NDUFAF6: variants seen among roughly 807,000 people sequenced by gnomAD.
NDUFAF6 encodes NADH dehydrogenase (ubiquinone) complex I, assembly factor 6.
NDUFAF6 carries 45 observed loss-of-function variants against 40.8 expected under a neutral mutation model. The observed-to-expected ratio is 1.10, with a 90% CI of 0.87 to 1.42. NDUFAF6 has a LOEUF of 1.42. Ranked by LOEUF, NDUFAF6 falls within the 40% of genes most tolerant of loss-of-function variation. NDUFAF6 has a pLI of 0.00. For synonymous variants in NDUFAF6, 185 were observed against 155.9 expected (o/e 1.19, Z -1.39); for missense variants, 435 against 418.5 (o/e 1.04, Z -0.34).
chr8:95,090,872 G>A (rs548946933), intron 2 of NDUFAF6, among the ~76,000 whole-genome samples: 9 of 152,034 alleles, frequency 5.9e-5, no homozygotes, highest in East Asian at 3.9e-4. Context: ...TTTTTCTCCC[G>A]TGCTGAATGC....
Position 95,057,897 on chromosome 8 carries a change from C to A in NDUFAF6, c.962C>A (p.Pro321Gln). The change falls in exon 9 of 9, where the codon CCA becomes CAA. Residue 321 changes from proline (P) to glutamine (Q), a missense_variant. Physicochemically the swap from Pro to Gln is moderately conservative, Grantham distance 76 (BLOSUM62 -1). Transcript: ENST00000396124. ...TTACAGCAGAAGAATACATTACTTCCATTATATTTGTATATTCAGTCATGG... is the reference window on the plus strand; with the variant it reads ...TTACAGCAGAAGAATACATTACTTCAATTATATTTGTATATTCAGTCATGG... ...PSLQQKNTLL[P>Q]LYLYIQSWRK... The A allele has an allele frequency of 6.4e-7, 1 of 1,567,068 alleles. No homozygotes were observed. Among genetic ancestry groups the A allele is most frequent in the Non-Finnish European group, 8.8e-7 (1 of 1,137,684 alleles).
chr8:94,904,182 C>CGCCCAGGCTGGAGTGCAGTG lies in NDUFAF6; in HGVS notation c.-936+8258_-936+8277dup, dbSNP rs1161620455. ...TTTTTGAGATGGAGACTCACTTTGT[C>CGCCCAGGCTGGAGTGCAGTG]GCCCAGGCTGGAGTGCAGTGGCGCG... On this transcript the variant is annotated intron_variant, in intron 1 of 14. Coordinates refer to the NDUFAF6 transcript ENST00000396113. Among the ~76,000 whole-genome samples, 11 of 151,130 alleles carry CGCCCAGGCTGGAGTGCAGTG rather than the reference C, an allele frequency of 7.3e-5. No homozygotes were observed. The East Asian group carries it at 2.1e-3, about 29-fold the overall frequency.
chr8:95,109,203 A>C (rs1809925002), intron 4 of NDUFAF6, among the ~76,000 whole-genome samples: 1 of 152,202 alleles, frequency 6.6e-6, no homozygotes, highest in Non-Finnish European at 1.5e-5. Context: ...TCCTTCCAAA[A>C]ACTTTAATAT....
intron 2 of NDUFAF6, among the ~76,000 whole-genome samples, chr8:95,092,443 A>G (rs1412053242): frequency 1.3e-5 from 2 of 151,946 alleles, no homozygotes; most frequent in Non-Finnish European, 2.9e-5. Context: ...CAGCCTCCCA[A>G]AGTGCTGGAA....
rs549970420 is a variant in NDUFAF6, at chr8:95,029,206, A to G, written c.198-2789A>G. Among the ~76,000 whole-genome samples the G allele has an allele frequency of 2.6e-5, 4 of 152,360 alleles. No homozygotes were observed. The South Asian group carries it at 8.3e-4, about 32-fold the overall frequency. On this transcript the variant is annotated intron_variant, in intron 1 of 8. Transcript: ENST00000396124. ...AAATATTGTTTTATAAGAAGGTTCC[A>G]ATGTATTAAAGTAGGTAAGTACCTT...
In NDUFAF6 at chr8:94,896,903, C is replaced by A. The variant is rs1223727585; in HGVS notation, c.-936+976C>A. ...CTAATTTACCTGTAGGAGCTTTGCCCAAGGTGACAGCATCAGGAGAAGCCC... is the reference window on the plus strand; with the variant it reads ...CTAATTTACCTGTAGGAGCTTTGCCAAAGGTGACAGCATCAGGAGAAGCCC... On this transcript the variant is annotated intron_variant, in intron 1 of 14. Coordinates refer to the NDUFAF6 transcript ENST00000396113. Among the ~76,000 whole-genome samples, 3 of 152,194 alleles carry A rather than the reference C, an allele frequency of 2.0e-5. No individual in the cohort carries two copies. The South Asian group carries it at 6.2e-4, about 31-fold the overall frequency.
At chr8:95,108,120 A>C (rs972017198), downstream of NDUFAF6, among the ~76,000 whole-genome samples, 1 of 152,186 alleles carries the variant, frequency 6.6e-6, no homozygotes, top group Non-Finnish European at 1.5e-5. Context: ...TGCTGGTGGG[A>C]TGTAAAATGG....
rs144910773 is a variant in NDUFAF6 at position 94,958,431 on chromosome 8, C to T, written c.-199+252C>T. On this transcript the variant is annotated intron_variant, in intron 1 of 9. Coordinates refer to the NDUFAF6 transcript ENST00000396111. ...TGTCTGCATCCTAATCTCCTCTTCT[C>T]GTAAGGACACTAGTCATACGGGATT... is the stretch of plus-strand genomic sequence containing the variant. 6.6e-5 allele frequency among the ~76,000 whole-genome samples: 10 copies of T among 150,654 alleles called. No individual in the cohort carries two copies. In the East Asian group the frequency reaches 7.8e-4, roughly 12 times the overall value.
intron 2 of NDUFAF6, among the ~76,000 whole-genome samples, chr8:95,000,753 TC>T (rs1222067810): frequency 7.9e-5 from 12 of 151,568 alleles, no homozygotes; most frequent in African/African-American, 2.7e-4. Flanking sequence ...CTGGCCAACA[TC>T]ATGAAACCCT....
chr8:95,042,320 T>C (rs1830236698), intron 4 of NDUFAF6, among the ~76,000 whole-genome samples: 1 of 152,206 alleles, frequency 6.6e-6, no homozygotes, highest in South Asian at 2.1e-4. Context: ...TACATGCTGT[T>C]GTCATGGAAA....
At chr8:95,105,497 T>C (rs903370002), downstream of NDUFAF6, among the ~76,000 whole-genome samples, 1 of 152,028 alleles carries the variant, frequency 6.6e-6, no homozygotes, top group Non-Finnish European at 1.5e-5. Context: ...GTAGCTGGGA[T>C]TACAGGTGCG....
In NDUFAF6 at chr8:94,974,686, G is replaced by C. The variant is rs150233858; in HGVS notation, c.-198-6173G>C. On this transcript the variant is annotated intron_variant, in intron 1 of 9. Coordinates refer to the NDUFAF6 transcript ENST00000396111. ...CAGCATCATACCTGGCATGGAAGCT[G>C]TCAGGAGGTAGAATGCCATAGGAGA... The C allele has an allele frequency of 1.4e-3, 226 of 159,812 alleles. 1 individual carries two copies. The highest frequency in any genetic ancestry group is 5.2e-3 in the African/African-American group (216 of 41,824). The allele number at this position is 159,812 out of a possible 1,614,324, so 9.9% of individuals were successfully genotyped here.
intron 2 of NDUFAF6, among the ~76,000 whole-genome samples, chr8:94,995,290 G>C (rs1231202217): frequency 4.0e-5 from 6 of 149,182 alleles, no homozygotes; most frequent in African/African-American, 1.6e-4. Context: ...AGAAAGTAGA[G>C]AGGTAGTTGC....
At chr8:94,978,365 C>T (rs1362528869) in intron 1 of NDUFAF6, among the ~76,000 whole-genome samples, 1 of 152,194 alleles carries the variant, frequency 6.6e-6, no homozygotes, top group African/African-American at 2.4e-5. Context: ...TGGACTCACT[C>T]TATGTACCTC....
At chr8:94,925,460 C>G (rs1229077467) in intron 1 of NDUFAF6, among the ~76,000 whole-genome samples, 2 of 151,978 alleles carry the variant, frequency 1.3e-5, no homozygotes, top group Admixed American at 1.3e-4. Flanking sequence ...TATTTTTAAA[C>G]ATTGATTGGA....
At chr8:95,036,270 C>A in intron 3 of NDUFAF6, 2 of 1,248,686 alleles carry the variant, frequency 1.6e-6, no homozygotes, top group Non-Finnish European at 2.1e-6. Flanking sequence ...AGATACCTTT[C>A]ATCACTGATC....
chr8:94,951,472 G>A (rs191840362), intron 2 of NDUFAF6: 3 of 152,336 alleles, frequency 2.0e-5, no homozygotes, highest in Non-Finnish European at 4.4e-5. Flanking sequence ...ACAGATCAGT[G>A]ACTCTAAACT....
intron 2 of NDUFAF6, among the ~76,000 whole-genome samples, chr8:95,000,954 CTTTT>C (rs1158530408): frequency 6.0e-5 from 8 of 133,996 alleles, no homozygotes; most frequent in Admixed American, 2.3e-4. Flanking sequence ...CTTCCCCTTA[CTTTT>C]TTTTTTTTTT....
chr8:95,093,309 T>C (rs1052045858), intron 2 of NDUFAF6, among the ~76,000 whole-genome samples: 2 of 152,226 alleles, frequency 1.3e-5, no homozygotes, highest in African/African-American at 4.8e-5. Flanking sequence ...ACTTCTTATC[T>C]GAGGAATGCA....
Sources: allele counts gnomAD v4.1 joint callset (sites outside exome capture counted in the v4.1 genomes callset), GRCh38; gene constraint gnomAD v4.1.1; transcripts MANE v1.5; gene names NCBI Gene and HGNC (gene_info 2026-07-23, HGNC 2026-07-21).